Variants in AEBP2 observed in about 807,000 individuals in gnomAD.
The protein encoded by AEBP2 is zinc finger protein AEBP2.
Under a neutral mutation model 50.8 loss-of-function variants are expected in AEBP2, and 10 were observed. That is an observed-to-expected ratio of 0.20 (90% confidence interval 0.12 to 0.33). The LOEUF is 0.33. Among genes scored for constraint, AEBP2 ranks in the 10% least tolerant of loss-of-function variants. The pLI is 1.00. For missense variants in AEBP2, 570 were observed against 688.0 expected, an observed-to-expected ratio of 0.83 and a Z score of 1.92; for synonymous variants, 296 against 261.3, an observed-to-expected ratio of 1.13 and a Z score of -1.28.
intron 5 of AEBP2, among the ~76,000 whole-genome samples, chr12:19,503,662 A>G (rs1949115344): frequency 6.6e-6 from 1 of 151,374 alleles, no homozygotes. Context: ...GAATGGTGAG[A>G]GGAGACATCC....
At chr12:19,486,557 A>AT (rs1409369520) in intron 3 of AEBP2, among the ~76,000 whole-genome samples, 1 of 151,794 alleles carries the variant, frequency 6.6e-6, no homozygotes, top group Non-Finnish European at 1.5e-5. Context: ...CGTCCAGCTA[A>AT]TTTTTTGTAG....
At chr12:19,422,861 C>T (rs562747760) in intron 1 of AEBP2, among the ~76,000 whole-genome samples, 8 of 151,654 alleles carry the variant, frequency 5.3e-5, no homozygotes, top group Middle Eastern at 3.4e-3. Context: ...GTCAGGAGTT[C>T]GAGACCAGGC....
In AEBP2 at chr12:19,427,905, A is replaced by AT. The variant is rs898082202; in HGVS notation, c.-17+23699dup. Among the ~76,000 whole-genome samples, 58 of 150,066 alleles carry AT rather than the reference A, an allele frequency of 3.9e-4. No homozygotes were observed. The Middle Eastern group carries it at 0.01, about 26-fold the overall frequency. ...GTTTATTTTACCTGCACTAATTAGG[A>AT]TTTTTTTTTTCTTTTTTCTGAGACG... is the stretch of plus-strand genomic sequence containing the variant. On this transcript the variant is annotated intron_variant, in intron 1 of 3. Transcript: ENST00000538425.
chr12:19,445,016 C>T (rs892750503), intron 1 of AEBP2, among the ~76,000 whole-genome samples: 1 of 150,806 alleles, frequency 6.6e-6, no homozygotes, highest in African/African-American at 2.4e-5. Flanking sequence ...GCACCTGGCC[C>T]AACAGTAGTA....
At chr12:19,452,458 A>G (rs1948180645) in intron 1 of AEBP2, among the ~76,000 whole-genome samples, 3 of 152,104 alleles carry the variant, frequency 2.0e-5, no homozygotes, top group African/African-American at 4.8e-5. Flanking sequence ...TTTCCCCTTA[A>G]TAGTCATAAC....
At chr12:19,416,017 TA>T (rs1842029833) in intron 1 of AEBP2, among the ~76,000 whole-genome samples, 1 of 152,084 alleles carries the variant, frequency 6.6e-6, no homozygotes, top group East Asian at 1.9e-4. Flanking sequence ...ACACTGTCTC[TA>T]CAAAAATAGA....
At chr12:19,455,943 T>G (rs1013301049) in intron 1 of AEBP2, among the ~76,000 whole-genome samples, 3 of 135,308 alleles carry the variant, frequency 2.2e-5, no homozygotes, top group Non-Finnish European at 4.6e-5. Context: ...GTCAAAGAGA[T>G]CTTTTTTTTT....
chr12:19,506,626 A>T (rs1288477900), intron 5 of AEBP2, among the ~76,000 whole-genome samples: 1 of 151,966 alleles, frequency 6.6e-6, no homozygotes, highest in Non-Finnish European at 1.5e-5. Context: ...GCCCTAGAAA[A>T]CCTACTGTTG....
At chr12:19,456,978 C>G in intron 1 of AEBP2, 2 of 1,578,038 alleles carry the variant, frequency 1.3e-6, no homozygotes, top group Non-Finnish European at 1.7e-6. Context: ...TATTGCCATC[C>G]TTACAGGAGG....
At chr12:19,496,124 A>G (rs1400068592) in intron 4 of AEBP2, among the ~76,000 whole-genome samples, 1 of 152,162 alleles carries the variant, frequency 6.6e-6, no homozygotes, top group Non-Finnish European at 1.5e-5. Context: ...GACTTTTCAC[A>G]TTATATACTT....
chr12:19,464,398 C>T (rs1255557066), intron 2 of AEBP2, among the ~76,000 whole-genome samples: 1 of 151,932 alleles, frequency 6.6e-6, no homozygotes, highest in Non-Finnish European at 1.5e-5. Flanking sequence ...GAATCATGAG[C>T]TATTTGGAAG....
intron 2 of AEBP2, among the ~76,000 whole-genome samples, chr12:19,471,030 T>C (rs920088983): frequency 2.0e-5 from 3 of 147,786 alleles, no homozygotes; most frequent in African/African-American, 7.3e-5. Flanking sequence ...ACTAATAATA[T>C]GATTTCTGAG....
chr12:19,477,256 A>G (rs1282161738), intron 3 of AEBP2, among the ~76,000 whole-genome samples: 1 of 152,154 alleles, frequency 6.6e-6, no homozygotes, highest in Non-Finnish European at 1.5e-5. Context: ...GCAAACAGCG[A>G]CAGTTTTATT....
chr12:19,440,329 G>A lies in AEBP2; in HGVS notation c.630G>A (p.Ser210=). The A allele has an allele frequency of 6.8e-7, 1 of 1,465,702 alleles. No individual in the cohort carries two copies. Among genetic ancestry groups the A allele is most frequent in the Non-Finnish European group, 9.0e-7 (1 of 1,116,702 alleles). 90.8% of individuals were successfully genotyped at this position (1,465,702 alleles called of 1,614,324 possible). The change falls in exon 1 of 8, where the codon TCG becomes TCA. Residue 210 remains serine, a synonymous_variant. Transcript: ENST00000266508. ...SGGRRGSLEM[S]SDGEPLSRMD... is the part of the protein sequence containing the mutation. ...GCCGGCGGGGCAGCTTGGAGATGTCGTCGGATGGGGAACCCCTGAGCCGCA... is the reference window on the plus strand; with the variant it reads ...GCCGGCGGGGCAGCTTGGAGATGTCATCGGATGGGGAACCCCTGAGCCGCA...
At position 19,427,394 on chromosome 12, in the gene AEBP2, A is replaced by AG. The variant is rs1489141655; in HGVS notation, c.-17+23178_-17+23179insG. On this transcript the variant is annotated intron_variant, in intron 1 of 3. Transcript: ENST00000538425. ...GTCTGTCTCAAAAAAAAAAAAAAAA[A>AG]AAAAACGCAGAGGAAGGGTGAACTC... Among the ~76,000 whole-genome samples the AG allele has an allele frequency of 2.0e-5, 3 of 151,690 alleles. No individual in the cohort carries two copies. In the East Asian group the frequency reaches 5.8e-4, roughly 30 times the overall value.
chr12:19,508,936 T>G (rs1949193427), intron 5 of AEBP2: 1 of 426,008 alleles, frequency 2.3e-6, no homozygotes, highest in Non-Finnish European at 4.5e-6. Context: ...GTCGTAGGCT[T>G]TTCTACAATA....
intron 3 of AEBP2, among the ~76,000 whole-genome samples, chr12:19,490,835 C>T (rs755732810): frequency 9.2e-5 from 14 of 152,168 alleles, no homozygotes; most frequent in Non-Finnish European, 1.5e-4. Context: ...TACCACTTCA[C>T]ACTCACTAGG....
chr12:19,460,799 C>T (rs543516215), intron 1 of AEBP2, among the ~76,000 whole-genome samples: 1 of 152,106 alleles, frequency 6.6e-6, no homozygotes, highest in South Asian at 2.1e-4. Context: ...GGACTGCAGG[C>T]GCACACTACC....
At chr12:19,427,322 G>A (rs1394829710) in intron 1 of AEBP2, among the ~76,000 whole-genome samples, 1 of 146,224 alleles carries the variant, frequency 6.8e-6, no homozygotes, top group Non-Finnish European at 1.5e-5. Context: ...AGAGGTTGCA[G>A]TGAGCCGAGA....
Sources: allele counts gnomAD v4.1 joint callset (sites outside exome capture counted in the v4.1 genomes callset), GRCh38; gene constraint gnomAD v4.1.1; transcripts MANE v1.5; gene names NCBI Gene and HGNC (gene_info 2026-07-23, HGNC 2026-07-21).